ZFPM1: variants seen among roughly 807,000 people sequenced by gnomAD.
The protein encoded by ZFPM1 is zinc finger protein ZFPM1.
In ZFPM1, 28 loss-of-function variants were observed where a neutral mutation model predicts 46.3. The ratio of observed to expected loss-of-function variants is 0.60; its 90% confidence interval spans 0.45 to 0.83. The LOEUF (loss-of-function observed/expected upper bound fraction) is 0.83. Among genes scored for constraint, ZFPM1 ranks in the 40% least tolerant of loss-of-function variants. The pLI, the probability that ZFPM1 is intolerant of heterozygous loss-of-function variation, is 0.00. For synonymous variants in ZFPM1, 957 were observed against 675.9 expected, an observed-to-expected ratio of 1.42 and a Z score of -6.45; for missense variants, 1,878 against 1,432.4, an observed-to-expected ratio of 1.31 and a Z score of -5.02.
chr16:88,533,330 G>A lies in ZFPM1; in HGVS notation c.1372G>A (p.Ala458Thr). 1.3e-6 allele frequency: 2 copies of A among 1,531,272 alleles called. No homozygotes were observed. The highest frequency in any genetic ancestry group is 1.2e-5 in the South Asian group (1 of 83,524). 94.9% of individuals were successfully genotyped at this position (1,531,272 alleles called of 1,614,324 possible). A position where few individuals can be genotyped will look rare whatever the true frequency, so the allele number is the denominator to read the frequency against. ...TGGAGGCAGCAGCGAGCCCCCGGCG[G>A]CCCCCAGGAGCATCAAGGTGGAGGC... is the stretch of plus-strand genomic sequence containing the variant. The part of the protein sequence containing the change: ...QNGGSSEPPA[A>T]PRSIKVEAVE... The change falls in exon 10 of 10, where the codon GCC (alanine) becomes ACC (threonine). Residue 458 changes from alanine to threonine, a missense_variant. Coordinates refer to ENST00000319555, the MANE Select transcript of ZFPM1 (RefSeq NM_153813.3).
chr16:88,466,997 C>T (rs540947097), intron 1 of ZFPM1, among the ~76,000 whole-genome samples: 40 of 152,106 alleles, frequency 2.6e-4, no homozygotes, highest in Non-Finnish European at 5.1e-4. Flanking sequence ...CGAGCCGGGG[C>T]GAGGGTCCCT....
chr16:88,461,322 C>G lies in ZFPM1; in HGVS notation c.40+7644C>G, dbSNP rs573184339. On this transcript the variant is annotated intron_variant, in intron 1 of 9. Coordinates refer to ENST00000319555, the MANE Select transcript of ZFPM1 (RefSeq NM_153813.3). ...GCTTGCTGGGGAGTCCCCAGGTTCCCACCCCATCCCCACCGCAGGGGCTTT... is the reference window on the plus strand; with the variant it reads ...GCTTGCTGGGGAGTCCCCAGGTTCCGACCCCATCCCCACCGCAGGGGCTTT... Among the ~76,000 whole-genome samples, 14 of 152,194 alleles carry G rather than the reference C, an allele frequency of 9.2e-5. No homozygotes were observed. In the South Asian group the frequency reaches 2.7e-3, roughly 29 times the overall value.
intron 7 of ZFPM1, 116 bp from the exon 8 acceptor site, chr16:88,532,498 T>A (rs1170935999): frequency 8.7e-7 from 1 of 1,145,182 alleles, no homozygotes; most frequent in Non-Finnish European, 1.2e-6. Flanking sequence ...TTAAAGACCC[T>A]TCAGCACAGG....
intron 7 of ZFPM1, 41 bp from the exon 8 acceptor site, chr16:88,532,573 A>G (rs1414197704): frequency 6.5e-7 from 1 of 1,539,304 alleles, no homozygotes; most frequent in African/African-American, 1.4e-5. Flanking sequence ...TCCCAAGGTT[A>G]AGCTGGCCCG....
rs888728333 is a variant in ZFPM1, at chr16:88,480,746, C to G, written c.41-5193C>G. 6.6e-6 allele frequency among the ~76,000 whole-genome samples: 1 copy of G among 152,178 alleles called. No homozygotes were observed. Among genetic ancestry groups the G allele is most frequent in the African/African-American group, 2.4e-5 (1 of 41,450 alleles). On this transcript the variant is annotated intron_variant, in intron 1 of 9. Transcript: ENST00000319555. This position sits in a 1 kb window ranked among gnomAD's most constrained non-coding sequence, Gnocchi z 4.9. ...GGCACCGCAGGGGCCTCCCCAGGGG[C>G]CTCAGACTCCTCATCCACAGCCCCC...
At chr16:88,528,347 C>G (rs919465081) in intron 6 of ZFPM1, 109 bp downstream of exon 6, 3 of 1,248,786 alleles carry the variant, frequency 2.4e-6, no homozygotes, top group Non-Finnish European at 2.2e-6. Context: ...TGCAGGCTGC[C>G]GACAGAGTGA....
Position 88,469,314 on chromosome 16 carries a change from C to T in ZFPM1, c.40+15636C>T, listed in dbSNP as rs1908307118. Among the ~76,000 whole-genome samples, 1 of 152,248 alleles carries T rather than the reference C, an allele frequency of 6.6e-6. No individual in the cohort carries two copies. The highest frequency in any genetic ancestry group is 6.5e-5 in the Admixed American group (1 of 15,290). The stretch of plus-strand genomic sequence containing the variant: ...CCCAACCCCTTTGCCCACCCTCAGC[C>T]TCCCCATCTGTAAAACCGGAAGGCG... On this transcript the variant is annotated intron_variant, in intron 1 of 9. Transcript: ENST00000319555. This position sits in a 1 kb window ranked among gnomAD's most constrained non-coding sequence, Gnocchi z 4.3.
At chr16:88,517,791 TGGGTGGGTGGCTGAAA>T (rs1911444325) in intron 4 of ZFPM1, among the ~76,000 whole-genome samples, 2 of 110,622 alleles carry the variant, frequency 1.8e-5, no homozygotes, top group African/African-American at 3.7e-5. Flanking sequence ...GATGAATGAA[TGGGTGGGTGGCTGAAA>T]GGGTGGGTGG....
intron 5 of ZFPM1, 106 bp downstream of exon 5, chr16:88,527,022 G>A (rs1321283348): frequency 2.7e-6 from 4 of 1,464,994 alleles, no homozygotes; most frequent in Non-Finnish European, 3.6e-6. Flanking sequence ...TAGGGCAGGG[G>A]ATGGGGCACA....
chr16:88,479,524 G>C (rs1217742798), intron 1 of ZFPM1, among the ~76,000 whole-genome samples: 1 of 152,086 alleles, frequency 6.6e-6, no homozygotes, highest in Non-Finnish European at 1.5e-5. Flanking sequence ...GGCCTCAACA[G>C]AGCGAGCGGG....
At chr16:88,482,617 T>C (rs1908999624) in intron 1 of ZFPM1, among the ~76,000 whole-genome samples, 1 of 152,106 alleles carries the variant, frequency 6.6e-6, no homozygotes, top group Admixed American at 6.5e-5. Context: ...GCAGCAGGTA[T>C]GCACAGGGCT....
chr16:88,475,352 G>A (rs1908628589), intron 1 of ZFPM1, among the ~76,000 whole-genome samples: 1 of 152,214 alleles, frequency 6.6e-6, no homozygotes, highest in South Asian at 2.1e-4. Context: ...GAGGGAAGGT[G>A]TGGGACCGGG....
At chr16:88,511,573 A>T (rs1472037195) in intron 3 of ZFPM1, among the ~76,000 whole-genome samples, 1 of 151,940 alleles carries the variant, frequency 6.6e-6, no homozygotes, top group African/African-American at 2.4e-5. Flanking sequence ...CTCAGCCTTG[A>T]GCCAAGTCCT....
At chr16:88,500,980 G>T (rs1166276285) in intron 3 of ZFPM1, among the ~76,000 whole-genome samples, 1 of 152,180 alleles carries the variant, frequency 6.6e-6, no homozygotes, top group African/African-American at 2.4e-5. Context: ...GGTCTCTAAG[G>T]CTGGCCCCTC....
At chr16:88,494,674 G>C (rs1567538263) in intron 3 of ZFPM1, among the ~76,000 whole-genome samples, 1 of 152,288 alleles carries the variant, frequency 6.6e-6, no homozygotes, top group East Asian at 1.9e-4. Context: ...AGGCCGCAGG[G>C]CCTGAGTGGG....
In ZFPM1 at chr16:88,535,022, G is replaced by A. The variant is rs1394599898; in HGVS notation, c.*43G>A. 2 of 1,356,298 alleles carry A rather than the reference G, an allele frequency of 1.5e-6. No individual in the cohort carries two copies. Among genetic ancestry groups the A allele is most frequent in the Non-Finnish European group, 9.6e-7 (1 of 1,045,844 alleles). 84.0% of individuals were successfully genotyped at this position (1,356,298 alleles called of 1,614,324 possible). On this transcript the variant is annotated 3_prime_UTR_variant, in exon 10 of 10. Coordinates refer to ENST00000319555, the MANE Select transcript of ZFPM1 (RefSeq NM_153813.3). The stretch of plus-strand genomic sequence containing the variant: ...GCAGACGCTTTGCACGCCCCGCTGC[G>A]ATGCGGGGAGGGGGCCGCCCCCAGG...
At chr16:88,452,828 G>T (rs960759), upstream of ZFPM1, among the ~76,000 whole-genome samples, 7 of 152,320 alleles carry the variant, frequency 4.6e-5, no homozygotes, top group South Asian at 8.3e-4. Context: ...GAGAGGCGGG[G>T]CGCAGGATGC....
chr16:88,488,125 G>A (rs937214167), intron 2 of ZFPM1, among the ~76,000 whole-genome samples: 6 of 152,232 alleles, frequency 3.9e-5, no homozygotes. Context: ...GAGGCCCTTG[G>A]CTGTCACCGC....
intron 1 of ZFPM1, among the ~76,000 whole-genome samples, chr16:88,463,357 C>G (rs1417811470): frequency 6.6e-6 from 1 of 152,254 alleles, no homozygotes; most frequent in African/African-American, 2.4e-5. Flanking sequence ...CGCCCAGACC[C>G]TCGTGATGGG....
Sources: gnomAD v4.1 joint callset for allele counts (sites outside exome capture counted in the v4.1 genomes callset) on GRCh38, gnomAD v4.1.1 for gene constraint, Gnocchi (gnomAD v3.1) non-coding constraint, MANE v1.5 for transcripts, NCBI Gene and HGNC (gene_info 2026-07-23, HGNC 2026-07-21) for gene names.